PRKG1: variants seen among roughly 807,000 people sequenced by gnomAD.
PRKG1 encodes the protein cGMP-dependent protein kinase 1.
A neutral mutation model predicts 88.1 loss-of-function variants in PRKG1; 35 were observed. The ratio of observed to expected loss-of-function variants is 0.40; its 90% CI spans 0.30 to 0.53. PRKG1 has a LOEUF of 0.53. Among genes scored for constraint, PRKG1 ranks in the 20% least tolerant of loss-of-function variants. The probability of loss-of-function intolerance (pLI) is 0.59; values close to 1 mark genes in which losing one functional copy is unlikely to be tolerated. For synonymous variants in PRKG1, 303 were observed against 292.5 expected, an observed-to-expected ratio of 1.04 and a Z score of -0.37; for missense variants, 540 against 839.8, an observed-to-expected ratio of 0.64 and a Z score of 4.41.
chr10:51,841,973 G>A (rs537891513), intron 4 of PRKG1, among the ~76,000 whole-genome samples: 3 of 152,296 alleles, frequency 2.0e-5, no homozygotes, highest in South Asian at 2.1e-4. Flanking sequence ...ATGGGCCATC[G>A]TGTCTGGCTG....
chr10:51,698,082 G>A (rs1841351431), intron 3 of PRKG1: 2 of 1,613,962 alleles, frequency 1.2e-6, no homozygotes, highest in Non-Finnish European at 1.7e-6. Flanking sequence ...CTGGGTCCCT[G>A]AGGAGGGCCA....
chr10:52,277,327 G>A (rs910552367), intron 12 of PRKG1, among the ~76,000 whole-genome samples: 3 of 151,998 alleles, frequency 2.0e-5, no homozygotes, highest in East Asian at 1.9e-4. Context: ...TAACAGAGAG[G>A]ATTGGTGTTC....
At chr10:52,089,048 T>A (rs950444300) in intron 7 of PRKG1, among the ~76,000 whole-genome samples, 5 of 152,242 alleles carry the variant, frequency 3.3e-5, no homozygotes, top group African/African-American at 9.6e-5. Flanking sequence ...GAAAAATATT[T>A]TAAAATATCA....
chr10:52,280,395 C>G (rs1841977766), intron 12 of PRKG1, among the ~76,000 whole-genome samples: 1 of 152,112 alleles, frequency 6.6e-6, no homozygotes, highest in African/African-American at 2.4e-5. Context: ...ATAAACTTCT[C>G]CTTTAAAAAA....
intron 5 of PRKG1, among the ~76,000 whole-genome samples, chr10:51,930,177 T>C (rs75582758): frequency 0.032 from 4,923 of 152,280 alleles, 181 homozygotes; most frequent in African/African-American, 0.093. Flanking sequence ...GTGAGGCATT[T>C]AGAATAGTTA....
intron 5 of PRKG1, among the ~76,000 whole-genome samples, chr10:52,020,590 CAA>C (rs947206574): frequency 1.3e-5 from 2 of 152,168 alleles, no homozygotes; most frequent in Non-Finnish European, 2.9e-5. Context: ...ACATGAAGGT[CAA>C]GAGTGGTGTT....
In PRKG1 at chr10:51,524,967, G is replaced by T. The variant is rs141926115; in HGVS notation, c.592+57131G>T. ...TAATGTCATTAAATGGGAGAAAATA[G>T]GTTCATATTTAATTGAATTTGTTTT... On this transcript the variant is annotated intron_variant, in intron 3 of 17. Transcript: ENST00000373980. Among the ~76,000 whole-genome samples, 3 of 152,218 alleles carry T rather than the reference G, an allele frequency of 2.0e-5. No homozygotes were observed. The East Asian group carries it at 5.8e-4, about 29-fold the overall frequency.
intron 2 of PRKG1, among the ~76,000 whole-genome samples, chr10:51,446,537 AT>A (rs979388088): frequency 1.3e-5 from 2 of 152,042 alleles, no homozygotes; most frequent in African/African-American, 4.8e-5. Flanking sequence ...TCCACAAAGC[AT>A]TTTAAGGTTT....
chr10:51,626,695 C>T (rs1360998945), intron 3 of PRKG1, among the ~76,000 whole-genome samples: 1 of 152,058 alleles, frequency 6.6e-6, no homozygotes, highest in East Asian at 1.9e-4. Context: ...TTTCTTCATT[C>T]TGTAATATTT....
intron 3 of PRKG1, among the ~76,000 whole-genome samples, chr10:51,790,916 T>C (rs1247201634): frequency 2.0e-5 from 3 of 152,192 alleles, no homozygotes; most frequent in Non-Finnish European, 4.4e-5. Flanking sequence ...CCTGTCTCTG[T>C]TATTTTATTA....
At chr10:51,097,581 T>C (rs1353740413) in intron 1 of PRKG1, among the ~76,000 whole-genome samples, 2 of 152,146 alleles carry the variant, frequency 1.3e-5, no homozygotes, top group African/African-American at 2.4e-5. Context: ...ACAGACTGAT[T>C]AGCAGCCCCA....
chr10:52,115,014 C>T (rs965181507), intron 7 of PRKG1, among the ~76,000 whole-genome samples: 8 of 151,968 alleles, frequency 5.3e-5, no homozygotes, highest in Admixed American at 4.6e-4. Flanking sequence ...ATGGGTGTAT[C>T]GAATAGAATA....
At chr10:51,303,661 A>G (rs1840953120) in intron 2 of PRKG1, among the ~76,000 whole-genome samples, 1 of 152,100 alleles carries the variant, frequency 6.6e-6, no homozygotes, top group Non-Finnish European at 1.5e-5. Context: ...TTTTTGGAGA[A>G]GATAATAATA....
At position 51,716,546 on chromosome 10, in the gene PRKG1, C is replaced by A. The variant is rs551206523; in HGVS notation, c.593-88039C>A. Among the ~76,000 whole-genome samples the A allele has an allele frequency of 1.5e-3, 227 of 152,210 alleles. 1 individual carries two copies. Among genetic ancestry groups the A allele is most frequent in the African/African-American group, 5.3e-3 (219 of 41,528 alleles). The stretch of plus-strand genomic sequence containing the variant: ...CACTTACCTTAATAACCCAGCACTC[C>A]CAGAGTGAGCATACAGATTAGCCTC... On this transcript the variant is annotated intron_variant, in intron 3 of 17. Transcript: ENST00000373980.
chr10:51,316,404 C>T (rs987279920), intron 2 of PRKG1, among the ~76,000 whole-genome samples: 5 of 152,126 alleles, frequency 3.3e-5, no homozygotes, highest in African/African-American at 9.7e-5. Flanking sequence ...AAAGTTGGGA[C>T]GGGGCGCAGT....
intron 9 of PRKG1, among the ~76,000 whole-genome samples, chr10:52,189,300 C>A (rs1014399100): frequency 3.9e-5 from 6 of 152,184 alleles, no homozygotes; most frequent in African/African-American, 1.4e-4. Context: ...TCCTTCCCCA[C>A]TTCTCCTGCA....
At chr10:52,274,290 C>T (rs529845074) in intron 12 of PRKG1, among the ~76,000 whole-genome samples, 12 of 148,628 alleles carry the variant, frequency 8.1e-5, no homozygotes, top group Non-Finnish European at 1.3e-4. Context: ...ACTCTTCCCC[C>T]CAAATCCCCA....
At chr10:51,232,177 G>C (rs1433922756) in intron 2 of PRKG1, among the ~76,000 whole-genome samples, 1 of 152,144 alleles carries the variant, frequency 6.6e-6, no homozygotes, top group Non-Finnish European at 1.5e-5. Context: ...AATTCCAGTA[G>C]AGCCAGTATC....
At chr10:51,867,213 T>A (rs1335683518) in intron 4 of PRKG1, among the ~76,000 whole-genome samples, 1 of 152,158 alleles carries the variant, frequency 6.6e-6, no homozygotes, top group Non-Finnish European at 1.5e-5. Context: ...ATTTCAACAT[T>A]TCTGAATATT....
Sources: allele counts gnomAD v4.1 joint callset (sites outside exome capture counted in the v4.1 genomes callset), GRCh38; gene constraint gnomAD v4.1.1; transcripts MANE v1.5; gene names NCBI Gene and HGNC (gene_info 2026-07-23, HGNC 2026-07-21).